PDE4D: variants seen among roughly 807,000 people sequenced by gnomAD.
The protein encoded by PDE4D is 3',5'-cyclic-AMP phosphodiesterase 4D.
A neutral mutation model predicts 87.4 loss-of-function variants in PDE4D; 24 were observed. That is an observed-to-expected ratio of 0.27 (90% CI 0.20 to 0.39). PDE4D has a LOEUF of 0.39. Ranked by LOEUF, PDE4D falls within the 10% of genes least tolerant of loss-of-function variation. The probability of loss-of-function intolerance (pLI) is 1.00; values close to 1 mark genes in which losing one functional copy is unlikely to be tolerated. For synonymous variants in PDE4D, 384 were observed against 383.2 expected, an observed-to-expected ratio of 1.00 and a Z score of -0.02; for missense variants, 714 against 1,041.0, an observed-to-expected ratio of 0.69 and a Z score of 4.32.
intron 1 of PDE4D, among the ~76,000 whole-genome samples, chr5:59,307,153 C>T (rs1771552614): frequency 8.8e-6 from 1 of 114,224 alleles, no homozygotes. Context: ...AACTGGCTAG[C>T]CATATTTAGA....
At chr5:60,453,876 G>A (rs1423619728) in intron 1 of PDE4D, among the ~76,000 whole-genome samples, 2 of 152,082 alleles carry the variant, frequency 1.3e-5, no homozygotes, top group Non-Finnish European at 2.9e-5. Flanking sequence ...GTTATTTTAT[G>A]TTCATGCCTT....
chr5:60,125,658 T>C (rs1279832142), intron 2 of PDE4D, among the ~76,000 whole-genome samples: 1 of 152,154 alleles, frequency 6.6e-6, no homozygotes, highest in Non-Finnish European at 1.5e-5. Flanking sequence ...TAATTATTTA[T>C]TACCTATCTT....
At chr5:59,384,837 T>C (rs1347856925) in intron 1 of PDE4D, among the ~76,000 whole-genome samples, 1 of 151,990 alleles carries the variant, frequency 6.6e-6, no homozygotes, top group African/African-American at 2.4e-5. Context: ...AAACATTTAA[T>C]TATCTTATAC....
chr5:59,824,075 A>G (rs1424210353), intron 1 of PDE4D, among the ~76,000 whole-genome samples: 1 of 151,942 alleles, frequency 6.6e-6, no homozygotes, highest in African/African-American at 2.4e-5. Context: ...TCTTCTTTCA[A>G]GAGCAGCACT....
intron 1 of PDE4D, among the ~76,000 whole-genome samples, chr5:60,315,035 G>C (rs1175498955): frequency 1.3e-5 from 2 of 152,130 alleles, no homozygotes; most frequent in Admixed American, 6.5e-5. Context: ...GGTATTTCTA[G>C]TTCTAGATCC....
chr5:59,895,077 C>T (rs956169096), upstream of PDE4D, among the ~76,000 whole-genome samples: 2 of 152,216 alleles, frequency 1.3e-5, no homozygotes, highest in African/African-American at 2.4e-5. Context: ...TTCCCACACA[C>T]TCAGTCTTAA....
At chr5:59,276,653 G>A (rs1354700345) in intron 1 of PDE4D, among the ~76,000 whole-genome samples, 2 of 152,014 alleles carry the variant, frequency 1.3e-5, no homozygotes, top group Non-Finnish European at 2.9e-5. Context: ...TGGACAAGTG[G>A]CTGCACGTAT....
At chr5:60,177,108 CA>C (rs1162633604) in intron 2 of PDE4D, among the ~76,000 whole-genome samples, 11 of 151,974 alleles carry the variant, frequency 7.2e-5, no homozygotes, top group African/African-American at 2.4e-4. Flanking sequence ...GTCCAGGACT[CA>C]GTAAAGTTCG....
intron 3 of PDE4D, among the ~76,000 whole-genome samples, chr5:59,929,212 T>C (rs572535585): frequency 1.6e-4 from 25 of 152,298 alleles, no homozygotes; most frequent in South Asian, 8.3e-4. Flanking sequence ...CATACTAGTT[T>C]AGCTTAGTAT....
At chr5:59,163,034 G>A (rs1049804825) in intron 5 of PDE4D, among the ~76,000 whole-genome samples, 3 of 150,806 alleles carry the variant, frequency 2.0e-5, no homozygotes, top group African/African-American at 7.3e-5. Flanking sequence ...CCGGGTTCAA[G>A]CCATTTTCGT....
intron 2 of PDE4D, among the ~76,000 whole-genome samples, chr5:60,123,233 C>T (rs190047940): frequency 3.0e-4 from 45 of 152,262 alleles, no homozygotes; most frequent in Admixed American, 2.0e-3. Context: ...ATTCCAAAGT[C>T]GCTTCCACAT....
chr5:59,329,258 G>A (rs1476035675), intron 1 of PDE4D, among the ~76,000 whole-genome samples: 1 of 152,122 alleles, frequency 6.6e-6, no homozygotes, highest in Non-Finnish European at 1.5e-5. Context: ...TTTGCCAACT[G>A]TTACATCAGC....
chr5:60,146,058 C>CA (rs1180552180), intron 2 of PDE4D, among the ~76,000 whole-genome samples: 2 of 151,992 alleles, frequency 1.3e-5, no homozygotes, highest in African/African-American at 4.8e-5. Context: ...CACTAAAATA[C>CA]AAAAAATTAG....
intron 1 of PDE4D, among the ~76,000 whole-genome samples, chr5:59,491,960 T>C (rs1045633607): frequency 1.3e-5 from 2 of 152,178 alleles, no homozygotes; most frequent in African/African-American, 4.8e-5. Flanking sequence ...GATTGAGGCA[T>C]TCATTCCCCC....
At position 59,206,821 on chromosome 5, in the gene PDE4D, T is replaced by C. The variant is rs1301471855; in HGVS notation, c.647+8956A>G. 2.0e-5 allele frequency among the ~76,000 whole-genome samples: 3 copies of C among 152,158 alleles called. No individual in the cohort carries two copies. In the East Asian group the frequency reaches 5.8e-4, roughly 29 times the overall value. ...TTAGAATGTGGTGGAAAACACGTAT[T>C]GGTCATCTCCAATAGAAGTCAACTT... On this transcript the variant is annotated intron_variant, in intron 2 of 14. Coordinates refer to ENST00000340635, the MANE Select transcript of PDE4D (RefSeq NM_001104631.2).
intron 1 of PDE4D, among the ~76,000 whole-genome samples, chr5:59,377,510 G>A (rs1388217464): frequency 2.0e-5 from 3 of 151,764 alleles, no homozygotes; most frequent in Non-Finnish European, 4.4e-5. Context: ...AAACTAAAGA[G>A]CTCTTGCACA....
In PDE4D at chr5:59,300,340, T is replaced by A. The variant is rs1046166172; in HGVS notation, c.456-84372A>T. ...GAAATGAGTATATTTTCTGACAGTA[T>A]ACTTCATGCAGACACTCCCACACAC... On this transcript the variant is annotated intron_variant, in intron 1 of 14. Transcript: ENST00000340635. Among the ~76,000 whole-genome samples, 5 of 152,072 alleles carry A rather than the reference T, an allele frequency of 3.3e-5. No homozygotes were observed. In the South Asian group the frequency reaches 6.2e-4, roughly 19 times the overall value.
intron 1 of PDE4D, among the ~76,000 whole-genome samples, chr5:59,526,491 G>T (rs1813154115): frequency 6.6e-6 from 1 of 152,152 alleles, no homozygotes; most frequent in Non-Finnish European, 1.5e-5. Context: ...ATCAGGTAAA[G>T]CCAAACTCAT....
intron 3 of PDE4D, among the ~76,000 whole-genome samples, chr5:59,980,907 G>A (rs891172764): frequency 1.3e-5 from 2 of 152,150 alleles, no homozygotes; most frequent in African/African-American, 4.8e-5. Flanking sequence ...TTTTTATCCA[G>A]ATATTTTAAA....
Sources: allele counts gnomAD v4.1 joint callset (sites outside exome capture counted in the v4.1 genomes callset), GRCh38; gene constraint gnomAD v4.1.1; transcripts MANE v1.5; gene names NCBI Gene and HGNC (gene_info 2026-07-23, HGNC 2026-07-21).